CGGBP1: variants seen among roughly 807,000 people sequenced by gnomAD.
The protein encoded by CGGBP1 is CGG triplet repeat binding protein 1.
In CGGBP1, 4 loss-of-function variants were observed where a neutral mutation model predicts 11.4. The ratio of observed to expected loss-of-function variants is 0.35; its 90% CI spans 0.17 to 0.80. CGGBP1 has a LOEUF of 0.80. Among genes scored for constraint, CGGBP1 ranks in the 30% least tolerant of loss-of-function variants. The pLI is 0.52. For missense variants in CGGBP1, 135 were observed against 202.1 expected (o/e 0.67, Z 2.01); for synonymous variants, 76 against 74.1 (o/e 1.03, Z -0.13).
At chr3:88,141,994 A>G (rs56099925) in intron 1 of CGGBP1, 24,076 of 195,550 alleles carry the variant, frequency 0.12, 2,882 homozygotes, top group African/African-American at 0.34. Flanking sequence ...AAAGGGAAAA[A>G]TTAACCCATT....
intron 1 of CGGBP1, among the ~76,000 whole-genome samples, chr3:88,146,855 T>C (rs1186254131): frequency 1.3e-5 from 2 of 152,184 alleles, no homozygotes; most frequent in Admixed American, 6.5e-5. Flanking sequence ...TCTCAATAAA[T>C]GGCAACTAGT....
At chr3:88,069,131 T>G (rs1707363108) in intron 2 of CGGBP1, among the ~76,000 whole-genome samples, 1 of 71,242 alleles carries the variant, frequency 1.4e-5, no homozygotes, top group South Asian at 8.9e-4. Flanking sequence ...CCATCAGAAG[T>G]GATTCTCAGG....
At chr3:88,135,054 T>C (rs1200863472) in intron 2 of CGGBP1, 5 of 1,390,092 alleles carry the variant, frequency 3.6e-6, no homozygotes, top group Non-Finnish European at 4.6e-6. Context: ...TTTTTTCTCA[T>C]TTACAGGGAG....
intron 2 of CGGBP1, among the ~76,000 whole-genome samples, chr3:88,137,250 G>A (rs1269929180): frequency 2.9e-5 from 4 of 138,934 alleles, no homozygotes; most frequent in Non-Finnish European, 6.3e-5. Context: ...GAAAGAAAAC[G>A]AATTCTGTTT....
intron 2 of CGGBP1, among the ~76,000 whole-genome samples, chr3:88,075,404 G>C (rs1200481301): frequency 6.6e-6 from 1 of 152,044 alleles, no homozygotes; most frequent in Non-Finnish European, 1.5e-5. Flanking sequence ...GAAAGTTCTA[G>C]GCCTATCATA....
chr3:88,142,468 G>A (rs1258032150), intron 1 of CGGBP1: 1 of 152,348 alleles, frequency 6.6e-6, no homozygotes, highest in Non-Finnish European at 1.5e-5. Context: ...AGGCTTTGTA[G>A]TTGAAGGAAA....
chr3:88,057,056 T>TA (rs1466098277), intron 3 of CGGBP1, 135 bp downstream of exon 3: 2 of 152,166 alleles, frequency 1.3e-5, no homozygotes, highest in African/African-American at 2.4e-5. Flanking sequence ...CTTAAGAAGT[T>TA]AAAGTGAATT....
chr3:88,115,011 A>C (rs1189822401), intron 2 of CGGBP1, among the ~76,000 whole-genome samples: 1 of 152,210 alleles, frequency 6.6e-6, no homozygotes, highest in African/African-American at 2.4e-5. Context: ...GTTCTTCTCC[A>C]TACATCTTTC....
chr3:88,097,811 T>C (rs1016629388), intron 2 of CGGBP1, among the ~76,000 whole-genome samples: 2 of 152,076 alleles, frequency 1.3e-5, no homozygotes, highest in Non-Finnish European at 2.9e-5. Context: ...CATAACAGAA[T>C]ATCTGCGACA....
chr3:88,083,436 G>T (rs1412810257), intron 2 of CGGBP1, among the ~76,000 whole-genome samples: 2 of 152,114 alleles, frequency 1.3e-5, no homozygotes, highest in East Asian at 3.8e-4. Flanking sequence ...GCTCTTGAAA[G>T]TGCTGCTGGA....
upstream of CGGBP1, among the ~76,000 whole-genome samples, chr3:88,060,010 C>A (rs929390930): frequency 6.6e-6 from 1 of 151,992 alleles, no homozygotes; most frequent in Admixed American, 6.6e-5. Context: ...CTCCTGTCAT[C>A]CCCTCACAAG....
chr3:88,085,439 C>T (rs969564802), intron 2 of CGGBP1, among the ~76,000 whole-genome samples: 6 of 151,748 alleles, frequency 4.0e-5, no homozygotes, highest in African/African-American at 1.5e-4. Flanking sequence ...TTTTTCCAAC[C>T]ACTTAAAAAT....
chr3:88,139,211 T>A, intron 2 of CGGBP1: 1 of 1,464,184 alleles, frequency 6.8e-7, no homozygotes, highest in Non-Finnish European at 9.0e-7. Context: ...ATCCTGATGA[T>A]GTATCTGGAG....
chr3:88,148,974 C>T (rs1707358665), intron 1 of CGGBP1, among the ~76,000 whole-genome samples: 1 of 152,076 alleles, frequency 6.6e-6, no homozygotes, highest in Admixed American at 6.6e-5. Context: ...AATTTGCTCA[C>T]CAGGATCTGC....
chr3:88,088,814 C>T (rs1469824601), intron 2 of CGGBP1, among the ~76,000 whole-genome samples: 1 of 151,586 alleles, frequency 6.6e-6, no homozygotes, highest in Non-Finnish European at 1.5e-5. Flanking sequence ...GCTCTGTCGC[C>T]TAGGTTGGAG....
chr3:88,078,376 C>G lies in CGGBP1; in HGVS notation c.-228-20153G>C, dbSNP rs557958564. On this transcript the variant is annotated intron_variant, in intron 2 of 3. Transcript: ENST00000462901. ...CTAAATGTGGTTAAACGTATTAAAGCCCAAAACAGGTAGGGAAAGCTGGTA... is the reference window on the plus strand; with the variant it reads ...CTAAATGTGGTTAAACGTATTAAAGGCCAAAACAGGTAGGGAAAGCTGGTA... 5.9e-5 allele frequency among the ~76,000 whole-genome samples: 9 copies of G among 152,206 alleles called. No homozygotes were observed. In the East Asian group the frequency reaches 1.7e-3, roughly 29 times the overall value.
chr3:88,132,514 C>T (rs937078781), intron 2 of CGGBP1, among the ~76,000 whole-genome samples: 14 of 151,942 alleles, frequency 9.2e-5, no homozygotes, highest in Non-Finnish European at 2.1e-4. Flanking sequence ...TTTTGTTTTC[C>T]TTCAGAATCC....
At chr3:88,084,228 A>C (rs140542464) in intron 2 of CGGBP1, among the ~76,000 whole-genome samples, 3 of 152,334 alleles carry the variant, frequency 2.0e-5, no homozygotes, top group African/African-American at 7.2e-5. Context: ...ACAGAACCTG[A>C]GAAAGTAGAA....
intron 2 of CGGBP1, among the ~76,000 whole-genome samples, chr3:88,067,515 G>C (rs116061313): frequency 6.6e-6 from 1 of 152,182 alleles, no homozygotes; most frequent in Non-Finnish European, 1.5e-5. Context: ...AGCTTGAGGA[G>C]CCTCAAAATT....
Sources: allele counts gnomAD v4.1 joint callset (sites outside exome capture counted in the v4.1 genomes callset), GRCh38; gene constraint gnomAD v4.1.1; transcripts MANE v1.5; gene names NCBI Gene and HGNC (gene_info 2026-07-23, HGNC 2026-07-21).